The following PTPRN2 variants were observed in gnomAD, a reference collection of about 807,000 sequenced individuals.
PTPRN2 encodes receptor-type tyrosine-protein phosphatase N2.
A neutral mutation model predicts 118.8 loss-of-function variants in PTPRN2; 74 were observed. The observed-to-expected ratio is 0.62, with a 90% CI of 0.52 to 0.76. PTPRN2 has a LOEUF of 0.76. PTPRN2 is among the 30% of genes least tolerant of loss of function. The pLI, the probability that PTPRN2 is intolerant of heterozygous loss-of-function variation, is 0.00. For missense variants in PTPRN2, 1,481 were observed against 1,394.4 expected, an observed-to-expected ratio of 1.06 and a Z score of -0.99; for synonymous variants, 641 against 608.0, an observed-to-expected ratio of 1.05 and a Z score of -0.80.
intron 5 of PTPRN2, among the ~76,000 whole-genome samples, chr7:158,175,807 T>C (rs1403650850): frequency 2.0e-5 from 3 of 152,166 alleles, no homozygotes; most frequent in African/African-American, 7.2e-5. Flanking sequence ...GAGTTGACAG[T>C]ATCACGGGGT....
At chr7:158,110,433 G>C (rs1444255163) in intron 10 of PTPRN2, among the ~76,000 whole-genome samples, 1 of 152,218 alleles carries the variant, frequency 6.6e-6, no homozygotes, top group Non-Finnish European at 1.5e-5. Context: ...CCGAAGGGCA[G>C]CGCATTTTCC....
In PTPRN2 at chr7:158,070,112, C is replaced by T. The variant is rs149027045; in HGVS notation, c.1723+11186G>A. Among the ~76,000 whole-genome samples the T allele has an allele frequency of 2.2e-3, 335 of 152,350 alleles. 2 individuals are homozygous for T. Among genetic ancestry groups the T allele is most frequent in the African/African-American group, 7.4e-3 (308 of 41,580 alleles). ...CCAGGCAGGGCTGGAGAGGCTGATA[C>T]CTGACCTAGATTGGTGCCTAATCCA... On this transcript the variant is annotated intron_variant, in intron 11 of 22. Transcript: ENST00000389418.
intron 11 of PTPRN2, among the ~76,000 whole-genome samples, chr7:157,906,735 C>T (rs145931121): frequency 0.011 from 1,604 of 152,258 alleles, 32 homozygotes; most frequent in African/African-American, 0.037. Flanking sequence ...CTGGGGCACA[C>T]GCTGTTCTCC....
Position 158,167,297 on chromosome 7 carries a change from G to T in PTPRN2, c.550-6C>A. ...TCGGAGAAGCGGTCATCACCCTGAA[G>T]GAAAGGAGAGCAAAACAGAGCAAGA... On this transcript the variant is annotated splice_polypyrimidine_tract_variant and splice_region_variant and intron_variant, in intron 5 of 22. Transcript: ENST00000389418. 1 of 1,583,122 alleles carries T rather than the reference G, an allele frequency of 6.3e-7. No individual in the cohort carries two copies.
chr7:158,550,228 T>C (rs1405884044), intron 1 of PTPRN2, among the ~76,000 whole-genome samples: 1 of 152,156 alleles, frequency 6.6e-6, no homozygotes, highest in African/African-American at 2.4e-5. Flanking sequence ...CACGTCCCGA[T>C]AGGAAGCCTG....
At chr7:158,298,674 G>A (rs1406353187) in intron 3 of PTPRN2, among the ~76,000 whole-genome samples, 1 of 152,214 alleles carries the variant, frequency 6.6e-6, no homozygotes, top group Non-Finnish European at 1.5e-5. Flanking sequence ...CAGATTGGAG[G>A]AGGGCGCAAG....
At position 157,682,726 on chromosome 7, in the gene PTPRN2, T is replaced by C; in HGVS notation, c.2000A>G (p.Gln667Arg). Reference protein sequence around the residue: ...DPGADATAAYQELCRQRMATR... With the variant: ...DPGADATAAYRELCRQRMATR... ...ACTTTTTAAAAAGTCTCCTCTTACCTGGTAGGCGGCAGTGGCATCTGCACC... is the reference window on the plus strand; with the variant it reads ...ACTTTTTAAAAAGTCTCCTCTTACCCGGTAGGCGGCAGTGGCATCTGCACC... Residue 667 changes from glutamine to arginine, a missense_variant and splice_region_variant, in exon 13 of 23, where the codon CAG (glutamine) becomes CGG (arginine). By Grantham distance (43) the Gln-to-Arg change is conservative. Around this residue, in one of 3 missense-constraint regions of PTPRN2, gnomAD observed 1,115 missense variants for 994.2 expected, o/e 1.12. Coordinates refer to ENST00000389418, the MANE Select transcript of PTPRN2 (RefSeq NM_002847.5). 1 of 1,612,628 alleles carries C rather than the reference T, an allele frequency of 6.2e-7. No homozygotes were observed. The highest frequency in any genetic ancestry group is 1.1e-5 in the South Asian group (1 of 91,054).
At chr7:158,023,137 A>C (rs990933553) in intron 11 of PTPRN2, among the ~76,000 whole-genome samples, 21 of 152,184 alleles carry the variant, frequency 1.4e-4, no homozygotes, top group African/African-American at 4.3e-4. Flanking sequence ...ACTCTCAACA[A>C]TTTAGCACAG....
In PTPRN2 at chr7:157,621,420, C is replaced by T. The variant is rs148323229; in HGVS notation, c.2286G>A (p.Ser762=). The change falls in exon 15 of 23, where the codon TCG becomes TCA. Residue 762 remains serine, a synonymous_variant. Transcript: ENST00000389418. ...LCAYQAEPNS[S]FVAQREENVP... ...CGTTCTCCTCCCTCTGGGCCACGAACGAGCTGTTGGGCTCCGCCTGGTAGG... is the reference window on the plus strand; with the variant it reads ...CGTTCTCCTCCCTCTGGGCCACGAATGAGCTGTTGGGCTCCGCCTGGTAGG... 171 of 1,613,396 alleles carry T rather than the reference C, an allele frequency of 1.1e-4. 1 individual carries two copies. The African/African-American group carries it at 1.1e-3, about 10-fold the overall frequency.
At chr7:157,852,352 GGAA>G (rs1809338565) in intron 12 of PTPRN2, among the ~76,000 whole-genome samples, 1 of 152,130 alleles carries the variant, frequency 6.6e-6, no homozygotes, top group African/African-American at 2.4e-5. Flanking sequence ...TCACTTCCAT[GGAA>G]ATAATTTTAT....
intron 3 of PTPRN2, among the ~76,000 whole-genome samples, chr7:158,213,282 C>A (rs1827740447): frequency 6.6e-6 from 1 of 150,754 alleles, no homozygotes; most frequent in African/African-American, 2.4e-5. Flanking sequence ...TGATGAGAAC[C>A]ACATATTCTG....
At chr7:157,917,280 A>G (rs1050833275) in intron 11 of PTPRN2, among the ~76,000 whole-genome samples, 1 of 152,180 alleles carries the variant, frequency 6.6e-6, no homozygotes, top group African/African-American at 2.4e-5. Context: ...CACTGAACAC[A>G]CTCCAGCCTG....
At position 157,903,981 on chromosome 7, in the gene PTPRN2, T is replaced by C. The variant is rs1346276949; in HGVS notation, c.1724-5244A>G. Among the ~76,000 whole-genome samples the C allele has an allele frequency of 3.3e-5, 5 of 152,194 alleles. No individual in the cohort carries two copies. The highest frequency in any genetic ancestry group is 7.3e-5 in the Non-Finnish European group (5 of 68,030). On this transcript the variant is annotated intron_variant, in intron 11 of 22. Coordinates refer to ENST00000389418, the MANE Select transcript of PTPRN2 (RefSeq NM_002847.5). This position sits in a 1 kb window ranked among gnomAD's most constrained non-coding sequence, Gnocchi z 4.2. Reference sequence around the variant, plus strand: ...TGTGCCCTCGTGACAGCGGCTGTTTTGCTGCATGTCTCATGGCCGGGCCAC... The same window carrying C: ...TGTGCCCTCGTGACAGCGGCTGTTTCGCTGCATGTCTCATGGCCGGGCCAC...
chr7:158,060,656 GA>G (rs1183965347), intron 11 of PTPRN2, among the ~76,000 whole-genome samples: 1 of 152,210 alleles, frequency 6.6e-6, no homozygotes, highest in Admixed American at 6.5e-5. Flanking sequence ...TAACTTTCTG[GA>G]GGTCTCATTA....
At chr7:158,206,539 C>T (rs1038435392) in intron 3 of PTPRN2, among the ~76,000 whole-genome samples, 1 of 152,038 alleles carries the variant, frequency 6.6e-6, no homozygotes, top group Non-Finnish European at 1.5e-5. Flanking sequence ...TTGTGTCACC[C>T]GTCACCCAGC....
At chr7:158,087,655 C>T (rs13237754) in intron 10 of PTPRN2, among the ~76,000 whole-genome samples, 1,798 of 134,184 alleles carry the variant, frequency 0.013, 149 homozygotes, top group Middle Eastern at 0.019. Context: ...ACAAACCTTC[C>T]TCCCCTGATG....
At chr7:158,071,392 AGGTGCTCGTGGTGGAGTTGCTCCTGGTGG>A (rs1563391014) in intron 11 of PTPRN2, among the ~76,000 whole-genome samples, 2 of 37,692 alleles carry the variant, frequency 5.3e-5, no homozygotes, top group Non-Finnish European at 5.5e-5. Context: ...CTCGTGGTGG[AGGTGCTCGTGGTGGAGTTGCTCCTGGTGG>A]TGGAGGTGCT....
Position 158,546,885 on chromosome 7 carries a change from G to A in PTPRN2, c.112+40673C>T, listed in dbSNP as rs771034944. ...AACGCTGGGGCTGCCTTCATCTCAC[G>A]CATGCTGGGCAGCCTGGGCACCTGG... On this transcript the variant is annotated intron_variant, in intron 1 of 22. Transcript: ENST00000389418. The surrounding 1 kb of genome is among the most constrained non-coding windows in gnomAD (Gnocchi z 5.0). Among the ~76,000 whole-genome samples, 59 of 152,294 alleles carry A rather than the reference G, an allele frequency of 3.9e-4. 1 individual carries two copies. Among genetic ancestry groups the A allele is most frequent in the African/African-American group, 1.1e-3 (46 of 41,564 alleles).
At chr7:157,971,991 C>T (rs1336065193) in intron 11 of PTPRN2, among the ~76,000 whole-genome samples, 2 of 152,226 alleles carry the variant, frequency 1.3e-5, no homozygotes, top group African/African-American at 4.8e-5. Context: ...GAGTCCTATG[C>T]AAACTTATAT....
Sources: gnomAD v4.1 joint callset for allele counts (sites outside exome capture counted in the v4.1 genomes callset) on GRCh38, gnomAD v4.1.1 for gene constraint, gnomAD v4.1.1 regional missense constraint, Gnocchi (gnomAD v3.1) non-coding constraint, MANE v1.5 for transcripts, NCBI Gene and HGNC (gene_info 2026-07-23, HGNC 2026-07-21) for gene names.